IQCK: variants seen among roughly 807,000 people sequenced by gnomAD.
The protein encoded by IQCK is IQ domain-containing protein K.
Under a neutral mutation model 28.1 loss-of-function variants are expected in IQCK, and 29 were observed. The ratio of observed to expected loss-of-function variants is 1.03; its 90% CI spans 0.77 to 1.41. The LOEUF is 1.41. Ranked by LOEUF, IQCK falls within the 40% of genes most tolerant of loss-of-function variation. The pLI is 0.00. For synonymous variants in IQCK, 113 were observed against 115.1 expected (o/e 0.98, Z 0.12); for missense variants, 359 against 314.7 (o/e 1.14, Z -1.07).
chr16:19,774,105 T>A (rs540111914), intron 6 of IQCK, among the ~76,000 whole-genome samples: 1 of 152,096 alleles, frequency 6.6e-6, no homozygotes, highest in African/African-American at 2.4e-5. Flanking sequence ...AGTGTAGGAA[T>A]GTTCTAGAAG....
chr16:19,740,336 G>A (rs757017932), intron 4 of IQCK, among the ~76,000 whole-genome samples: 2 of 152,186 alleles, frequency 1.3e-5, no homozygotes. Flanking sequence ...ATCAAATTGT[G>A]GTGTGATACA....
chr16:19,727,665 T>C (rs1455110097), intron 1 of IQCK, among the ~76,000 whole-genome samples: 1 of 148,840 alleles, frequency 6.7e-6, no homozygotes, highest in Non-Finnish European at 1.5e-5. Context: ...TAGGATTAGG[T>C]GTGACTTTTA....
At chr16:19,764,393 G>T (rs1295782854) in intron 6 of IQCK, 3 of 260,588 alleles carry the variant, frequency 1.2e-5, no homozygotes, top group Non-Finnish European at 1.5e-5. Flanking sequence ...TTTTTTTCCT[G>T]TCTCTCTGAA....
chr16:19,721,940 G>C (rs1977508102), intron 1 of IQCK, among the ~76,000 whole-genome samples: 1 of 127,822 alleles, frequency 7.8e-6, no homozygotes, highest in South Asian at 2.3e-4. Flanking sequence ...ATTGTCATTG[G>C]TTCATCACTT....
intron 9 of IQCK, among the ~76,000 whole-genome samples, chr16:19,844,630 T>A (rs2141115967): frequency 6.6e-6 from 1 of 152,346 alleles, no homozygotes; most frequent in African/African-American, 2.4e-5. Flanking sequence ...TAGTAAGTGG[T>A]TGAAAACGTT....
chr16:19,849,938 T>C (rs2056461586), intron 9 of IQCK, among the ~76,000 whole-genome samples: 1 of 152,206 alleles, frequency 6.6e-6, no homozygotes, highest in Admixed American at 6.5e-5. Context: ...AACTTGGTAT[T>C]GAACAATTTC....
intron 9 of IQCK, among the ~76,000 whole-genome samples, chr16:19,832,878 A>G (rs2056250424): frequency 6.6e-6 from 1 of 152,122 alleles, no homozygotes; most frequent in Non-Finnish European, 1.5e-5. Flanking sequence ...ATCAGATCTC[A>G]TGAGAACTCA....
chr16:19,767,609 C>T (rs1388859905), intron 6 of IQCK, among the ~76,000 whole-genome samples: 2 of 152,090 alleles, frequency 1.3e-5, no homozygotes, highest in Non-Finnish European at 2.9e-5. Context: ...GTGCTCCTCT[C>T]GACGTTTGGC....
At chr16:19,744,429 C>G (rs2054879052) in intron 4 of IQCK, among the ~76,000 whole-genome samples, 1 of 152,144 alleles carries the variant, frequency 6.6e-6, no homozygotes, top group Non-Finnish European at 1.5e-5. Context: ...GTGCACCTGG[C>G]CCATCTTAGA....
In IQCK at chr16:19,763,781, A is replaced by G. The variant is rs2055186583; in HGVS notation, c.475-67A>G. ...ATTGAAAAAAGTCATGTATAAGTAG[A>G]CCTGTGCAGTTCAAATCCATAGTGT... On this transcript the variant is annotated intron_variant, in intron 4 of 7. Transcript: ENST00000564186. 13 of 1,196,872 alleles carry G rather than the reference A, an allele frequency of 1.1e-5. No homozygotes were observed. The Admixed American group carries it at 2.2e-4, about 20-fold the overall frequency. 74.1% of individuals were successfully genotyped at this position (1,196,872 alleles called of 1,614,324 possible).
intron 3 of IQCK, among the ~76,000 whole-genome samples, chr16:19,734,780 C>CAA (rs1358666397): frequency 7.7e-5 from 5 of 64,838 alleles, no homozygotes; most frequent in Admixed American, 1.9e-4. Flanking sequence ...GACTCTGTCT[C>CAA]AAAAAAAAAA....
intron 6 of IQCK, among the ~76,000 whole-genome samples, chr16:19,783,814 A>C (rs1395279852): frequency 6.6e-6 from 1 of 152,182 alleles, no homozygotes; most frequent in Non-Finnish European, 1.5e-5. Flanking sequence ...TACTGCTTAA[A>C]GGCCTATTAG....
In IQCK at chr16:19,730,192, G is replaced by C. The variant is rs530557968; in HGVS notation, c.182-238G>C. Among the ~76,000 whole-genome samples the C allele has an allele frequency of 4.6e-5, 7 of 152,218 alleles. No homozygotes were observed. In the East Asian group the frequency reaches 1.4e-3, roughly 29 times the overall value. ...GCTGGTCTCGAACTCCTGACCTCAGGTGATCCTCCTGCCTCGGCCTCCAAA... is the reference window on the plus strand; with the variant it reads ...GCTGGTCTCGAACTCCTGACCTCAGCTGATCCTCCTGCCTCGGCCTCCAAA... On this transcript the variant is annotated intron_variant, in intron 1 of 7. Coordinates refer to ENST00000564186, the Ensembl canonical transcript of IQCK.
rs554328659 is a variant in IQCK, at chr16:19,754,984, G to A, written c.475-8864G>A. Among the ~76,000 whole-genome samples, 12 of 152,208 alleles carry A rather than the reference G, an allele frequency of 7.9e-5. No homozygotes were observed. The South Asian group carries it at 2.5e-3, about 31-fold the overall frequency. ...TTAGTGCATTTTTTGAACTTCTTTA[G>A]AGAAGTATTATTTTTCTCTAATGAA... is the stretch of plus-strand genomic sequence containing the variant. On this transcript the variant is annotated intron_variant, in intron 4 of 7. Transcript: ENST00000564186.
chr16:19,810,468 G>C (rs1375451757), intron 7 of IQCK, among the ~76,000 whole-genome samples: 1 of 149,940 alleles, frequency 6.7e-6, no homozygotes, highest in Non-Finnish European at 1.5e-5. Flanking sequence ...CTGCACTCCA[G>C]CCTGGGTGAC....
intron 6 of IQCK, among the ~76,000 whole-genome samples, chr16:19,783,613 G>C (rs116816834): frequency 6.6e-6 from 1 of 152,092 alleles, no homozygotes; most frequent in Non-Finnish European, 1.5e-5. Flanking sequence ...AGGGCCTGGC[G>C]TGGCTTCTCT....
At chr16:19,844,490 C>G (rs552142386) in intron 9 of IQCK, among the ~76,000 whole-genome samples, 12 of 152,142 alleles carry the variant, frequency 7.9e-5, no homozygotes, top group Non-Finnish European at 1.2e-4. Flanking sequence ...GTCGGATGAC[C>G]CGGTGGCAGT....
chr16:19,752,864 C>T (rs1330507818), intron 4 of IQCK, among the ~76,000 whole-genome samples: 2 of 152,102 alleles, frequency 1.3e-5, no homozygotes, highest in East Asian at 1.9e-4. Flanking sequence ...GTGCCCGGAC[C>T]TTTTAAAAAA....
At chr16:19,854,519 C>T (rs1347235779) in intron 9 of IQCK, among the ~76,000 whole-genome samples, 1 of 152,218 alleles carries the variant, frequency 6.6e-6, no homozygotes, top group Admixed American at 6.5e-5. Flanking sequence ...CCTGAATTTG[C>T]ATTTCTAACA....
Sources: allele counts gnomAD v4.1 joint callset (sites outside exome capture counted in the v4.1 genomes callset), GRCh38; gene constraint gnomAD v4.1.1; transcripts MANE v1.5; gene names NCBI Gene and HGNC (gene_info 2026-07-23, HGNC 2026-07-21).